Variants in IL1RAPL2 observed in about 807,000 individuals in gnomAD.
The protein encoded by IL1RAPL2 is interleukin 1 receptor accessory protein like 2, also known as X-linked interleukin-1 receptor accessory protein-like 2.
In IL1RAPL2, 3 loss-of-function variants were observed where a neutral mutation model predicts 44.1. The observed-to-expected ratio is 0.07, with a 90% CI of 0.03 to 0.18. IL1RAPL2 has a LOEUF of 0.18. IL1RAPL2 is among the 10% of genes least tolerant of loss of function. IL1RAPL2 has a pLI of 1.00. For synonymous variants in IL1RAPL2, 181 were observed against 178.8 expected, an observed-to-expected ratio of 1.01 and a Z score of -0.10; for missense variants, 391 against 496.4, an observed-to-expected ratio of 0.79 and a Z score of 2.02.
chrX:105,572,626 G>A (rs2037022427), intron 6 of IL1RAPL2, among the ~76,000 whole-genome samples: 1 of 111,753 alleles, frequency 8.9e-6, no homozygotes, highest in South Asian at 3.7e-4. Flanking sequence ...GTCAGCAAAT[G>A]ATGACCTAAG....
intron 2 of IL1RAPL2, among the ~76,000 whole-genome samples, chrX:104,825,232 C>A (rs1921421272): frequency 1.8e-5 from 2 of 111,664 alleles, no homozygotes; most frequent in Non-Finnish European, 3.8e-5. Flanking sequence ...GTGGGCAAAG[C>A]TTTGGGGGTT....
At chrX:105,176,549 A>T (rs2033476064) in intron 2 of IL1RAPL2, among the ~76,000 whole-genome samples, 1 of 110,065 alleles carries the variant, frequency 9.1e-6, no homozygotes. Context: ...CTTCATCCAC[A>T]GAGCATGCTG....
In IL1RAPL2 at chrX:105,495,611, A is replaced by T. The variant is rs192261281; in HGVS notation, c.772+11224A>T. The stretch of plus-strand genomic sequence containing the variant: ...TATCTGTTACTATAGTGATGATTTT[A>T]CATTTGTTGTCAAGTTGTTTGATGA... On this transcript the variant is annotated intron_variant, in intron 6 of 10. Transcript: ENST00000372582. 8.0e-5 allele frequency among the ~76,000 whole-genome samples: 9 copies of T among 111,816 alleles called. No homozygotes were observed. The East Asian group carries it at 2.5e-3, about 32-fold the overall frequency.
At chrX:105,221,613 G>A (rs189718075) in intron 3 of IL1RAPL2, among the ~76,000 whole-genome samples, 9 of 111,675 alleles carry the variant, frequency 8.1e-5, no homozygotes, top group African/African-American at 2.6e-4. Context: ...CCTGTAATTA[G>A]CTGGAGCCTG....
chrX:104,918,450 A>T (rs1206428707), intron 2 of IL1RAPL2, among the ~76,000 whole-genome samples: 3 of 111,969 alleles, frequency 2.7e-5, no homozygotes, highest in African/African-American at 9.7e-5. Flanking sequence ...GAGCTGAAAA[A>T]CTATATTCTG....
chrX:105,478,690 C>G (rs1022636259), intron 5 of IL1RAPL2, among the ~76,000 whole-genome samples: 19 of 111,698 alleles, frequency 1.7e-4, no homozygotes, highest in Non-Finnish European at 2.4e-4. Context: ...AACTTCCTGG[C>G]CATCCTTGAG....
intron 5 of IL1RAPL2, among the ~76,000 whole-genome samples, chrX:105,364,520 G>A (rs1223162593): frequency 9.0e-6 from 1 of 110,620 alleles, no homozygotes; most frequent in Admixed American, 9.7e-5. Flanking sequence ...GGTATTACAG[G>A]TGTTTTAATA....
intron 2 of IL1RAPL2, among the ~76,000 whole-genome samples, chrX:104,882,700 C>T (rs1405941518): frequency 1.8e-5 from 2 of 111,914 alleles, no homozygotes; most frequent in Non-Finnish European, 3.8e-5. Context: ...AAAAGCTGGC[C>T]ACCCAAGCCA....
intron 2 of IL1RAPL2, among the ~76,000 whole-genome samples, chrX:105,115,110 G>C (rs1207764303): frequency 1.8e-5 from 2 of 111,304 alleles, no homozygotes; most frequent in Non-Finnish European, 3.8e-5. Flanking sequence ...AGTTCTTAAA[G>C]GTGGTGTGTC....
At chrX:105,165,083 A>C (rs2147597153) in intron 2 of IL1RAPL2, among the ~76,000 whole-genome samples, 1 of 111,612 alleles carries the variant, frequency 9.0e-6, no homozygotes, top group African/African-American at 3.3e-5. Flanking sequence ...GAAGGAAGGA[A>C]GTTACTTTAG....
intron 2 of IL1RAPL2, among the ~76,000 whole-genome samples, chrX:104,662,916 C>T (rs1930428520): frequency 9.0e-6 from 1 of 111,458 alleles, no homozygotes; most frequent in Non-Finnish European, 1.9e-5. Flanking sequence ...ACAGTCAGTT[C>T]ATCTGGAGGA....
chrX:105,044,292 A>G (rs2031806563), intron 2 of IL1RAPL2, among the ~76,000 whole-genome samples: 1 of 111,441 alleles, frequency 9.0e-6, no homozygotes, highest in South Asian at 3.8e-4. Context: ...CCAAGTGTTA[A>G]TAGTTTTGTA....
chrX:105,732,938 T>C (rs1390671448), intron 7 of IL1RAPL2, among the ~76,000 whole-genome samples: 1 of 111,585 alleles, frequency 9.0e-6, no homozygotes, highest in Non-Finnish European at 1.9e-5. Context: ...TAAAATAAAA[T>C]ATTTTATTTT....
chrX:104,664,513 G>A (rs777976130), intron 2 of IL1RAPL2, among the ~76,000 whole-genome samples: 1 of 111,318 alleles, frequency 9.0e-6, no homozygotes, highest in Admixed American at 9.6e-5. Context: ...CCTTTTCTCC[G>A]AGATCACAGC....
intron 5 of IL1RAPL2, among the ~76,000 whole-genome samples, chrX:105,342,945 G>A (rs1187378780): frequency 9.0e-6 from 1 of 111,033 alleles, no homozygotes; most frequent in African/African-American, 3.3e-5. Flanking sequence ...TTCTTTCCAA[G>A]GTCTCATATA....
At chrX:104,627,521 C>A (rs1053911041) in intron 1 of IL1RAPL2, among the ~76,000 whole-genome samples, 2 of 110,711 alleles carry the variant, frequency 1.8e-5, no homozygotes, top group African/African-American at 6.6e-5. Context: ...TATTTTAACA[C>A]CAAATAATTA....
intron 1 of IL1RAPL2, among the ~76,000 whole-genome samples, chrX:104,585,228 GTGTA>G (rs1372560274): frequency 6.7e-5 from 3 of 45,054 alleles, no homozygotes; most frequent in Admixed American, 7.5e-4. Flanking sequence ...ATGTATATAT[GTGTA>G]TATATATAAT....
intron 2 of IL1RAPL2, among the ~76,000 whole-genome samples, chrX:104,849,353 A>AT (rs1922158763): frequency 3.6e-5 from 2 of 55,163 alleles, no homozygotes; most frequent in East Asian, 6.0e-4. Flanking sequence ...CTTGAACTAT[A>AT]TAATATATAT....
At chrX:105,557,421 C>T (rs745939970) in intron 6 of IL1RAPL2, among the ~76,000 whole-genome samples, 131 of 111,556 alleles carry the variant, frequency 1.2e-3, no homozygotes, top group African/African-American at 4.2e-3. Flanking sequence ...AAAGAAATAC[C>T]TCGAATCTAC....
Sources: allele counts gnomAD v4.1 joint callset (sites outside exome capture counted in the v4.1 genomes callset), GRCh38; gene constraint gnomAD v4.1.1; transcripts MANE v1.5; gene names NCBI Gene and HGNC (gene_info 2026-07-23, HGNC 2026-07-21).